The following CUBN variants were observed in gnomAD, a reference collection of about 807,000 sequenced individuals.
CUBN encodes the protein cubilin.
A neutral mutation model predicts 405.3 loss-of-function variants in CUBN; 282 were observed. The ratio of observed to expected loss-of-function variants is 0.70; its 90% CI spans 0.63 to 0.77. CUBN has a LOEUF of 0.77. Among genes scored for constraint, CUBN ranks in the 30% least tolerant of loss-of-function variants. The pLI is 0.00. For missense variants in CUBN, 4,514 were observed against 4,475.2 expected (o/e 1.01, Z -0.25); for synonymous variants, 1,684 against 1,617.0 (o/e 1.04, Z -0.99).
intron 64 of CUBN, among the ~76,000 whole-genome samples, chr10:16,832,788 G>C (rs535303353): frequency 2.0e-5 from 3 of 152,262 alleles, no homozygotes; most frequent in African/African-American, 7.2e-5. Context: ...GCATGGTCTA[G>C]AGCTCGGCCC....
chr10:17,125,290 AT>A (rs1267607410), intron 4 of CUBN, among the ~76,000 whole-genome samples: 1 of 152,186 alleles, frequency 6.6e-6, no homozygotes, highest in Admixed American at 6.5e-5. Context: ...ACAGTGACTC[AT>A]AAAAAAAAAT....
intron 22 of CUBN, among the ~76,000 whole-genome samples, chr10:17,051,057 TA>T (rs749720884): frequency 1.3e-4 from 20 of 150,094 alleles, no homozygotes; most frequent in African/African-American, 3.4e-4. Flanking sequence ...TTACAAATAT[TA>T]AAAAAAAAGA....
At chr10:16,836,525 A>G in intron 62 of CUBN, 143 bp from the exon 63 acceptor site, 2 of 822,752 alleles carry the variant, frequency 2.4e-6, no homozygotes, top group Non-Finnish European at 4.0e-6. Context: ...CTCTGCAAGA[A>G]GACTCACGTT....
At chr10:17,112,574 G>A (rs1357316458) in intron 8 of CUBN, among the ~76,000 whole-genome samples, 1 of 151,838 alleles carries the variant, frequency 6.6e-6, no homozygotes, top group Non-Finnish European at 1.5e-5. Flanking sequence ...TTTAAAGATT[G>A]TCCATGATAA....
At chr10:16,947,176 G>T in intron 36 of CUBN, 59 bp downstream of exon 36, 2 of 1,580,016 alleles carry the variant, frequency 1.3e-6, no homozygotes, top group Non-Finnish European at 1.7e-6. Flanking sequence ...ATTAGCACCA[G>T]AACTTCTTTC....
intron 32 of CUBN, among the ~76,000 whole-genome samples, chr10:16,953,040 G>T (rs998505323): frequency 2.0e-5 from 3 of 152,176 alleles, no homozygotes; most frequent in African/African-American, 7.2e-5. Context: ...GTCAGGGTGG[G>T]TTCTGGGGCT....
chr10:16,934,273 T>C (rs553144668), intron 39 of CUBN, among the ~76,000 whole-genome samples: 3 of 152,352 alleles, frequency 2.0e-5, no homozygotes, highest in African/African-American at 7.2e-5. Flanking sequence ...TCTCAAAAAG[T>C]TGATTTTAAC....
chr10:17,123,789 G>A, intron 4 of CUBN, 100 bp from the exon 5 acceptor site: 1 of 765,510 alleles, frequency 1.3e-6, no homozygotes, highest in Admixed American at 2.0e-5. Context: ...CTTAATCAGT[G>A]GGGGTCTCCT....
intron 15 of CUBN, among the ~76,000 whole-genome samples, chr10:17,087,824 A>C (rs1307430498): frequency 6.6e-6 from 1 of 152,164 alleles, no homozygotes; most frequent in Non-Finnish European, 1.5e-5. Context: ...CCAGTTTACC[A>C]CAGACAACTG....
At chr10:16,917,538 GGCCTCTGTTT>G (rs964002195) in intron 45 of CUBN, among the ~76,000 whole-genome samples, 1 of 151,932 alleles carries the variant, frequency 6.6e-6, no homozygotes, top group Non-Finnish European at 1.5e-5. Context: ...CCTATTTTTG[GGCCTCTGTTT>G]ACCAAGGGCA....
chr10:16,865,901 G>A lies in CUBN; in HGVS notation c.9454+3735C>T, dbSNP rs572626857. ...TTTTAAGAGCTGTAACACTCACCAC[G>A]AAGGTCCATGGCTTCATTCTTGAAG... On this transcript the variant is annotated intron_variant, in intron 59 of 66. Transcript: ENST00000377833. Among the ~76,000 whole-genome samples, 18 of 152,102 alleles carry A rather than the reference G, an allele frequency of 1.2e-4. No individual in the cohort carries two copies. The South Asian group carries it at 3.3e-3, about 28-fold the overall frequency.
chr10:16,938,960 C>T lies in CUBN; in HGVS notation c.5733+3G>A. On this transcript the variant is annotated splice_donor_region_variant and intron_variant, in intron 38 of 66. Coordinates refer to ENST00000377833, the MANE Select transcript of CUBN (RefSeq NM_001081.4). ...TGAACATTGATTGCATGTGGAAACT[C>T]ACCCTTAATTTGTCATAATAGCAGT... 3 of 1,610,840 alleles carry T rather than the reference C, an allele frequency of 1.9e-6. No individual in the cohort carries two copies. The highest frequency in any genetic ancestry group is 1.7e-4 in the Middle Eastern group (1 of 6,000).
intron 56 of CUBN, among the ~76,000 whole-genome samples, chr10:16,883,544 TAAAG>T (rs1840722669): frequency 6.6e-6 from 1 of 152,072 alleles, no homozygotes; most frequent in Non-Finnish European, 1.5e-5. Flanking sequence ...TAGGAGGAAA[TAAAG>T]AAAACTGACA....
chr10:17,083,506 A>AAAAT lies in CUBN; in HGVS notation c.2301+761_2301+764dup, dbSNP rs1021728860. On this transcript the variant is annotated intron_variant, in intron 17 of 66. Coordinates refer to ENST00000377833, the MANE Select transcript of CUBN (RefSeq NM_001081.4). ...GGCAACAAGAGCGAAACTCCGTCTC[A>AAAAT]AAATAAATAAATACATACATACATA... Among the ~76,000 whole-genome samples, 549 of 147,686 alleles carry AAAAT rather than the reference A, an allele frequency of 3.7e-3. 14 individuals are homozygous for AAAAT. In the East Asian group the frequency reaches 0.066, roughly 18 times the overall value.
intron 29 of CUBN, among the ~76,000 whole-genome samples, chr10:16,986,227 C>T (rs181242722): frequency 6.8e-4 from 104 of 152,314 alleles, no homozygotes; most frequent in Non-Finnish European, 1.1e-3. Flanking sequence ...GCCAGGAAGG[C>T]GGCTCTCAGG....
intron 31 of CUBN, among the ~76,000 whole-genome samples, chr10:16,976,822 C>T (rs72773273): frequency 0.016 from 2,500 of 152,186 alleles, 36 homozygotes; most frequent in Non-Finnish European, 0.023. Context: ...CACTATTTAT[C>T]TCTTCATCTC....
chr10:17,041,201 T>C lies in CUBN; in HGVS notation c.3849A>G (p.Ile1283Met). The C allele has an allele frequency of 6.2e-7, 1 of 1,613,462 alleles. No individual in the cohort carries two copies. ...EYRQTCENVV[I>M]VNQTYGILES... The stretch of plus-strand genomic sequence containing the variant: ...CTAAGATGCCATAGGTTTGATTGAC[T>C]ATTACCACATTCTCACATGCTGGAA... Residue 1283 changes from isoleucine (I) to methionine (M), a missense_variant, in exon 27 of 67, where the codon ATA becomes ATG. Physicochemically the swap from Ile to Met is conservative, Grantham distance 10. This residue lies in a region of CUBN where 242 missense variants were observed against 309.0 expected (regional missense o/e 0.78). Transcript: ENST00000377833.
At chr10:16,831,497 G>A (rs1490217033) in intron 64 of CUBN, 80 bp from the exon 65 acceptor site, 2 of 1,259,086 alleles carry the variant, frequency 1.6e-6, no homozygotes, top group Non-Finnish European at 2.3e-6. Context: ...CAATTTGAAT[G>A]ATGACATTGG....
chr10:16,949,414 G>A (rs1437654422), intron 34 of CUBN, among the ~76,000 whole-genome samples: 7 of 150,136 alleles, frequency 4.7e-5, no homozygotes, highest in Non-Finnish European at 1.0e-4. Flanking sequence ...GGAAATTTAC[G>A]GAGAAAGCTT....
Sources: allele counts gnomAD v4.1 joint callset (sites outside exome capture counted in the v4.1 genomes callset), GRCh38; gene constraint gnomAD v4.1.1; regional missense constraint gnomAD v4.1.1; transcripts MANE v1.5; gene names NCBI Gene and HGNC (gene_info 2026-07-23, HGNC 2026-07-21).